FBN2: variants seen among roughly 807,000 people sequenced by gnomAD.
FBN2 encodes the protein fibrillin 2.
In FBN2, 105 loss-of-function variants were observed where a neutral mutation model predicts 355.6. That is an observed-to-expected ratio of 0.30 (90% CI 0.25 to 0.35). The LOEUF is 0.35. FBN2 is among the 10% of genes least tolerant of loss of function. The pLI, the probability that FBN2 is intolerant of heterozygous loss-of-function variation, is 1.00. For synonymous variants in FBN2, 1,350 were observed against 1,301.2 expected (o/e 1.04, Z -0.81); for missense variants, 3,280 against 3,758.7 (o/e 0.87, Z 3.33).
intron 5 of FBN2, among the ~76,000 whole-genome samples, chr5:128,468,425 T>C (rs879535220): frequency 1.3e-5 from 2 of 152,236 alleles, no homozygotes; most frequent in Non-Finnish European, 2.9e-5. Flanking sequence ...ATATATGTTT[T>C]CATTTCTCTT....
chr5:128,508,397 C>T (rs1756020621), intron 5 of FBN2, among the ~76,000 whole-genome samples: 1 of 151,712 alleles, frequency 6.6e-6, no homozygotes, highest in Non-Finnish European at 1.5e-5. Context: ...CTTTTGTTGG[C>T]TTTTTAATCA....
At chr5:128,299,222 A>G (rs13164913) in intron 48 of FBN2, among the ~76,000 whole-genome samples, 12,371 of 151,368 alleles carry the variant, frequency 0.082, 600 homozygotes, top group Non-Finnish European at 0.1. Context: ...TGGGAGAACC[A>G]CTGCTCTCTT....
intron 5 of FBN2, among the ~76,000 whole-genome samples, chr5:128,474,154 G>A (rs1204107105): frequency 6.6e-6 from 1 of 152,130 alleles, no homozygotes; most frequent in African/African-American, 2.4e-5. Context: ...CCCTAAAAGT[G>A]CACTCTCCCA....
chr5:128,425,645 C>A (rs1196691182), intron 7 of FBN2, among the ~76,000 whole-genome samples: 1 of 152,108 alleles, frequency 6.6e-6, no homozygotes, highest in Non-Finnish European at 1.5e-5. Flanking sequence ...ATCTAAAAAT[C>A]ATTTATTTTG....
chr5:128,488,625 A>G (rs62391642), intron 5 of FBN2, among the ~76,000 whole-genome samples: 2 of 151,490 alleles, frequency 1.3e-5, no homozygotes, highest in African/African-American at 2.4e-5. Context: ...AGCATTAGGT[A>G]TATCTCCTAA....
rs1764909628 is a variant in FBN2 at position 128,259,557 on chromosome 5, C to G, written c.8637G>C (p.Lys2879Asn). The change falls in exon 65 of 65, where the codon AAG (lysine) becomes AAC (asparagine). Residue 2879 changes from lysine to asparagine, a missense_variant. Lys to Asn is a moderately conservative substitution (Grantham distance 94). This residue lies in a region of FBN2 where 311 missense variants were observed against 319.1 expected (regional missense o/e 0.97). Transcript: ENST00000262464. ...CTTCCAGTTTCTTAAGCTCCTTCTTCTTGTAGAGAGGGATGCTAGTGATTT... is the reference window on the plus strand; with the variant it reads ...CTTCCAGTTTCTTAAGCTCCTTCTTGTTGTAGAGAGGGATGCTAGTGATTT... ...TLEITSIPLY[K>N]KKELKKLEES... The G allele has an allele frequency of 1.9e-6, 3 of 1,614,048 alleles. No homozygotes were observed. The highest frequency in any genetic ancestry group is 1.3e-5 in the African/African-American group (1 of 75,006).
intron 8 of FBN2, among the ~76,000 whole-genome samples, chr5:128,404,173 C>A (rs1159480026): frequency 6.6e-6 from 1 of 152,060 alleles, no homozygotes; most frequent in African/African-American, 2.4e-5. Context: ...ATAATTCAAC[C>A]AAATAAATTC....
chr5:128,338,144 T>C (rs1446560056), intron 26 of FBN2, 22 bp from the exon 27 acceptor site: 2 of 1,612,668 alleles, frequency 1.2e-6, no homozygotes, highest in East Asian at 2.2e-5. Flanking sequence ...AAACGTGAGA[T>C]CCATTAAAGA....
intron 5 of FBN2, among the ~76,000 whole-genome samples, chr5:128,491,119 C>T (rs1755491756): frequency 6.6e-6 from 1 of 152,100 alleles, no homozygotes; most frequent in Admixed American, 6.6e-5. Flanking sequence ...TACAGATTTT[C>T]AGGTAAGGAG....
At chr5:128,292,900 G>A (rs1290641255) in intron 48 of FBN2, among the ~76,000 whole-genome samples, 1 of 152,094 alleles carries the variant, frequency 6.6e-6, no homozygotes, top group Admixed American at 6.5e-5. Context: ...CCCATCTCCT[G>A]AACAGACCTC....
intron 7 of FBN2, among the ~76,000 whole-genome samples, chr5:128,428,352 G>A (rs943734115): frequency 6.6e-6 from 1 of 152,132 alleles, no homozygotes; most frequent in East Asian, 1.9e-4. Flanking sequence ...CACCGTGGCT[G>A]GCAAGGCCCC....
At chr5:128,494,562 G>T (rs79597582) in intron 5 of FBN2, among the ~76,000 whole-genome samples, 4,257 of 152,224 alleles carry the variant, frequency 0.028, 218 homozygotes, top group African/African-American at 0.098. Flanking sequence ...TAAGAAATCA[G>T]TCAGAAATTA....
At chr5:128,524,810 T>C (rs948819082) in intron 4 of FBN2, among the ~76,000 whole-genome samples, 14 of 152,134 alleles carry the variant, frequency 9.2e-5, no homozygotes, top group African/African-American at 3.4e-4. Flanking sequence ...CCCTATATGT[T>C]CTATTATCCC....
At chr5:128,455,831 AG>A (rs1754367991) in intron 6 of FBN2, among the ~76,000 whole-genome samples, 1 of 151,772 alleles carries the variant, frequency 6.6e-6, no homozygotes, top group African/African-American at 2.4e-5. Context: ...CCCAAGCCAC[AG>A]GGGACTACCA....
At chr5:128,317,543 T>G (rs2126852980) in intron 36 of FBN2, among the ~76,000 whole-genome samples, 1 of 152,246 alleles carries the variant, frequency 6.6e-6, no homozygotes, top group South Asian at 2.1e-4. Context: ...CACCCCTCCC[T>G]TTTTTTGTAT....
In FBN2 at chr5:128,291,519, C is replaced by A; in HGVS notation, c.6292+10G>T. ...GTGAACTGTGACAGTGAAGTCATGC[C>A]AAATCTTACCAAAGCATCTCCGTCC... is the stretch of plus-strand genomic sequence containing the variant. On this transcript the variant is annotated intron_variant, in intron 49 of 64. Transcript: ENST00000262464. 3 of 1,613,714 alleles carry A rather than the reference C, an allele frequency of 1.9e-6. No individual in the cohort carries two copies. In the South Asian group the frequency reaches 3.3e-5, roughly 18 times the overall value.
Position 128,502,782 on chromosome 5 carries a change from A to T in FBN2, c.628+16491T>A, listed in dbSNP as rs901920772. On this transcript the variant is annotated intron_variant, in intron 5 of 64. Transcript: ENST00000262464. ...AAGTAAATCTAAAATAATAATTTTTAAAAAATTTTGCACTAATTTTTGTAA... is the reference window on the plus strand; with the variant it reads ...AAGTAAATCTAAAATAATAATTTTTTAAAAATTTTGCACTAATTTTTGTAA... Among the ~76,000 whole-genome samples the T allele has an allele frequency of 7.2e-5, 11 of 152,212 alleles. No homozygotes were observed. The South Asian group carries it at 8.3e-4, about 11-fold the overall frequency.
In FBN2 at chr5:128,395,244, A is replaced by G. The variant is rs1466266397; in HGVS notation, c.1109T>C (p.Leu370Pro). The G allele has an allele frequency of 6.2e-7, 1 of 1,614,120 alleles. No homozygotes were observed. The highest frequency in any genetic ancestry group is 1.3e-5 in the African/African-American group (1 of 75,034). ...CTCTTGTGCACAGCGGCCATTCACCAGGCCCGAGAAACACATGCCTGTTCT... is the reference window on the plus strand; with the variant it reads ...CTCTTGTGCACAGCGGCCATTCACCGGGCCCGAGAAACACATGCCTGTTCT... The part of the protein sequence containing the change: ...DQRTGMCFSG[L>P]VNGRCAQELP... Residue 370 changes from leucine (L) to proline (P), a missense_variant, in exon 9 of 65, where the codon CTG becomes CCG. Leu to Pro is a moderately conservative substitution (Grantham distance 98). Transcript: ENST00000262464.
At position 128,344,391 on chromosome 5, in the gene FBN2, A is replaced by T. The variant is rs769016775; in HGVS notation, c.3337T>A (p.Cys1113Ser). The stretch of plus-strand genomic sequence containing the variant: ...AACAGCAGAACCATCTTACCCGTGC[A>T]GTTTCTTTCCTCCATGTCTAGAGCA... ...GFALDMEERNCTDIDECRISP... is the reference protein window; with the variant it reads ...GFALDMEERNSTDIDECRISP... Residue 1113 changes from cysteine to serine, a missense_variant, in exon 25 of 65, where the codon TGC becomes AGC. Cys to Ser is a moderately radical substitution (Grantham distance 112). Around this residue, in one of 6 missense-constraint regions of FBN2, gnomAD observed 2,284 missense variants for 2,749.5 expected, o/e 0.83. Transcript: ENST00000262464. 2 of 1,614,146 alleles carry T rather than the reference A, an allele frequency of 1.2e-6. No homozygotes were observed. Among genetic ancestry groups the T allele is most frequent in the Non-Finnish European group, 1.7e-6 (2 of 1,179,968 alleles).
Sources: gnomAD v4.1 joint callset for allele counts (sites outside exome capture counted in the v4.1 genomes callset) on GRCh38, gnomAD v4.1.1 for gene constraint, gnomAD v4.1.1 regional missense constraint, MANE v1.5 for transcripts, NCBI Gene and HGNC (gene_info 2026-07-23, HGNC 2026-07-21) for gene names.